Variants in AK4 observed in about 807,000 individuals in gnomAD.
AK4 encodes the protein adenylate kinase 4.
Under a neutral mutation model 24.6 loss-of-function variants are expected in AK4, and 13 were observed. The observed-to-expected ratio is 0.53, with a 90% confidence interval of 0.34 to 0.84. The LOEUF (loss-of-function observed/expected upper bound fraction) is 0.84, where lower values mean the gene tolerates loss of function less well. AK4 is among the 40% of genes least tolerant of loss of function. The probability of loss-of-function intolerance (pLI) is 0.01; values close to 1 mark genes in which losing one functional copy is unlikely to be tolerated. For missense variants in AK4, 192 were observed against 288.2 expected (o/e 0.67, Z 2.42); for synonymous variants, 88 against 107.0 (o/e 0.82, Z 1.10).
At chr1:65,154,744 C>T (rs554112159) in intron 1 of AK4, 52 of 266,102 alleles carry the variant, frequency 2.0e-4, no homozygotes, top group African/African-American at 1.1e-3. Flanking sequence ...ACAAAGAACG[C>T]TCTTACAAAT....
intron 2 of AK4, among the ~76,000 whole-genome samples, chr1:65,206,574 C>T (rs911561998): frequency 3.3e-5 from 5 of 152,204 alleles, no homozygotes; most frequent in Non-Finnish European, 5.9e-5. Flanking sequence ...TCTGCGTGTG[C>T]GTGTGTGCAC....
chr1:65,148,675 G>T (rs1041268206), intron 1 of AK4, 123 bp downstream of exon 1: 1 of 1,338,648 alleles, frequency 7.5e-7, no homozygotes, highest in Non-Finnish European at 9.6e-7. Flanking sequence ...GTGCAGGCTC[G>T]TACGTGCCGG....
chr1:65,205,203 T>TA (rs1204001678), intron 2 of AK4, among the ~76,000 whole-genome samples: 1 of 152,222 alleles, frequency 6.6e-6, no homozygotes, highest in African/African-American at 2.4e-5. Context: ...CAACCATTGT[T>TA]ACATTTTCTT....
chr1:65,178,073 A>G (rs1315276028), intron 1 of AK4, among the ~76,000 whole-genome samples: 1 of 152,146 alleles, frequency 6.6e-6, no homozygotes, highest in Non-Finnish European at 1.5e-5. Context: ...AAAGGGTGTA[A>G]TGAGAAGTTC....
chr1:65,211,742 A>G (rs1235785612), intron 2 of AK4, among the ~76,000 whole-genome samples: 3 of 152,298 alleles, frequency 2.0e-5, no homozygotes, highest in Non-Finnish European at 4.4e-5. Flanking sequence ...AGGTTATAGC[A>G]GTAAACAAGA....
Position 65,176,394 on chromosome 1 carries a change from C to A in AK4, c.146-14316C>A, listed in dbSNP as rs142142785. Among the ~76,000 whole-genome samples, 1,310 of 152,222 alleles carry A rather than the reference C, an allele frequency of 8.6e-3. 5 individuals are homozygous for A. Among genetic ancestry groups the A allele is most frequent in the Non-Finnish European group, 0.012 (839 of 68,008 alleles). On this transcript the variant is annotated intron_variant, in intron 1 of 4. Transcript: ENST00000327299. ...GAAGAGGCCTCATGAAGCATTGGCC[C>A]TTATTCTCAGGAAGCGTTCTAGGGA... is the stretch of plus-strand genomic sequence containing the variant.
At chr1:65,149,824 G>T (rs1249258582) in intron 1 of AK4, among the ~76,000 whole-genome samples, 2 of 152,254 alleles carry the variant, frequency 1.3e-5, no homozygotes, top group South Asian at 2.1e-4. Context: ...TGAGTTTTCT[G>T]TTGTGGGTAT....
intron 1 of AK4, among the ~76,000 whole-genome samples, chr1:65,159,164 T>G (rs1650073348): frequency 6.6e-6 from 1 of 152,236 alleles, no homozygotes; most frequent in Non-Finnish European, 1.5e-5. Flanking sequence ...ACCTTCTGTC[T>G]GGGCAGCAGT....
At chr1:65,168,145 CTTTTT>C (rs3051710) in intron 1 of AK4, among the ~76,000 whole-genome samples, 1 of 125,262 alleles carries the variant, frequency 8.0e-6, no homozygotes. Flanking sequence ...TCTGCATATT[CTTTTT>C]TTTTTTTTTT....
At chr1:65,165,236 T>A (rs528042323) in intron 1 of AK4, among the ~76,000 whole-genome samples, 1 of 152,196 alleles carries the variant, frequency 6.6e-6, no homozygotes, top group African/African-American at 2.4e-5. Context: ...GCTTAATAGT[T>A]GTTTGTTATA....
At chr1:65,178,812 TG>T (rs1195463002) in intron 1 of AK4, among the ~76,000 whole-genome samples, 1 of 152,138 alleles carries the variant, frequency 6.6e-6, no homozygotes, top group Non-Finnish European at 1.5e-5. Flanking sequence ...ACTCTGTGCC[TG>T]GCACAGACAA....
At chr1:65,194,903 T>TA (rs1379340001) in intron 2 of AK4, among the ~76,000 whole-genome samples, 2 of 152,338 alleles carry the variant, frequency 1.3e-5, no homozygotes, top group East Asian at 3.9e-4. Context: ...CTTCAGCCTC[T>TA]ACCCATTACT....
chr1:65,155,289 A>T (rs181665971), intron 1 of AK4, among the ~76,000 whole-genome samples: 1 of 152,100 alleles, frequency 6.6e-6, no homozygotes, highest in South Asian at 2.1e-4. Flanking sequence ...CCTGGCCAAC[A>T]TGGCAAAATT....
chr1:65,192,422 T>C (rs1651335274), intron 2 of AK4, among the ~76,000 whole-genome samples: 1 of 152,222 alleles, frequency 6.6e-6, no homozygotes, highest in Admixed American at 6.5e-5. Flanking sequence ...TAATTACCTC[T>C]TAAAGGCTCC....
intron 1 of AK4, among the ~76,000 whole-genome samples, chr1:65,155,051 A>T (rs1431613331): frequency 1.3e-5 from 2 of 151,552 alleles, no homozygotes; most frequent in Non-Finnish European, 2.9e-5. Context: ...GGGTTTCACC[A>T]TGTTGGCCAG....
chr1:65,152,330 CT>C lies in AK4; in HGVS notation c.145+3779del, dbSNP rs1557434243. 9.5e-3 allele frequency among the ~76,000 whole-genome samples: 352 copies of C among 37,068 alleles called. 2 individuals carry two copies. Among genetic ancestry groups the C allele is most frequent in the African/African-American group, 0.034 (256 of 7,600 alleles). The allele number at this position is 37,068 out of a possible 152,430, so 24.3% of individuals were successfully genotyped here. A position where few individuals can be genotyped will look rare whatever the true frequency, so the allele number is the denominator to read the frequency against. On this transcript the variant is annotated intron_variant, in intron 1 of 4. Coordinates refer to ENST00000327299, the MANE Select transcript of AK4 (RefSeq NM_013410.4). ...CTGCACTTGCTATCTCTCTCTCTCT[CT>C]CTCTCTCTCTCTCTCTCTCTCTCTC...
At chr1:65,223,210 T>C (rs1652348925) in intron 3 of AK4, among the ~76,000 whole-genome samples, 1 of 152,100 alleles carries the variant, frequency 6.6e-6, no homozygotes, top group African/African-American at 2.4e-5. Context: ...TTTAAATTTT[T>C]TTGAGACAGT....
chr1:65,207,185 T>C (rs1651837615), intron 2 of AK4, among the ~76,000 whole-genome samples: 1 of 152,186 alleles, frequency 6.6e-6, no homozygotes, highest in South Asian at 2.1e-4. Flanking sequence ...TTAAAGTCTT[T>C]TTCTTTTTCT....
intron 1 of AK4, among the ~76,000 whole-genome samples, chr1:65,184,131 G>A (rs1247468881): frequency 6.6e-6 from 1 of 152,132 alleles, no homozygotes; most frequent in Admixed American, 6.5e-5. Context: ...AGGTTACCAA[G>A]ATTATATCTA....
Sources: gnomAD v4.1 joint callset for allele counts (sites outside exome capture counted in the v4.1 genomes callset) on GRCh38, gnomAD v4.1.1 for gene constraint, MANE v1.5 for transcripts, NCBI Gene and HGNC (gene_info 2026-07-23, HGNC 2026-07-21) for gene names.